Variants in GTPBP10 observed in about 807,000 individuals in gnomAD.
The protein encoded by GTPBP10 is GTP-binding protein 10.
GTPBP10 carries 38 observed loss-of-function variants against 44.8 expected under a neutral mutation model. The ratio of observed to expected loss-of-function variants is 0.85; its 90% CI spans 0.65 to 1.11. The LOEUF (loss-of-function observed/expected upper bound fraction) is 1.11. Among genes scored for constraint, GTPBP10 ranks in the 50% most tolerant of loss-of-function variants. The probability of loss-of-function intolerance (pLI) is 0.00; values close to 1 mark genes in which losing one functional copy is unlikely to be tolerated. For synonymous variants in GTPBP10, 152 were observed against 150.6 expected, an observed-to-expected ratio of 1.01 and a Z score of -0.07; for missense variants, 462 against 453.7, an observed-to-expected ratio of 1.02 and a Z score of -0.17.
At chr7:90,362,432 G>C (rs71557085) in intron 4 of GTPBP10, among the ~76,000 whole-genome samples, 2 of 152,150 alleles carry the variant, frequency 1.3e-5, no homozygotes, top group Non-Finnish European at 2.9e-5. Flanking sequence ...TTTCCATGTA[G>C]TTGAGTGATT....
At position 90,358,933 on chromosome 7, in the gene GTPBP10, G is replaced by T. The variant is rs112810966; in HGVS notation, c.464+3703G>T. On this transcript the variant is annotated intron_variant, in intron 4 of 9. Coordinates refer to ENST00000222511, the MANE Select transcript of GTPBP10 (RefSeq NM_033107.4). ...CAATTCCGTTAAAAAGTGGACAAAT[G>T]ACATGGACATTTCTCAAAAGAAGAT... 4.0e-4 allele frequency among the ~76,000 whole-genome samples: 61 copies of T among 152,242 alleles called. 1 individual carries two copies. The highest frequency in any genetic ancestry group is 1.4e-3 in the African/African-American group (60 of 41,556).
intron 6 of GTPBP10, among the ~76,000 whole-genome samples, chr7:90,374,666 C>A (rs770796953): frequency 1.2e-4 from 19 of 152,024 alleles, no homozygotes; most frequent in Non-Finnish European, 2.1e-4. Flanking sequence ...TTTAAAAATG[C>A]TCTCTAAAGT....
chr7:90,353,077 C>A (rs540580689), intron 2 of GTPBP10, 68 bp downstream of exon 2: 7 of 1,019,242 alleles, frequency 6.9e-6, no homozygotes, highest in South Asian at 6.3e-5. Flanking sequence ...TTTTTAGTTA[C>A]AAAATAAAAA....
At chr7:90,348,187 G>A (rs1409711423) in intron 1 of GTPBP10, among the ~76,000 whole-genome samples, 1 of 152,150 alleles carries the variant, frequency 6.6e-6, no homozygotes, top group Non-Finnish European at 1.5e-5. Context: ...CACGGCACTC[G>A]AGCCCAGGCA....
At chr7:90,384,541 T>C (rs1796489289) in intron 9 of GTPBP10, among the ~76,000 whole-genome samples, 1 of 152,192 alleles carries the variant, frequency 6.6e-6, no homozygotes, top group East Asian at 1.9e-4. Flanking sequence ...AATGATGTTA[T>C]TATTTTTACA....
At chr7:90,347,102 C>T (rs1356482112) in intron 1 of GTPBP10, among the ~76,000 whole-genome samples, 1 of 151,924 alleles carries the variant, frequency 6.6e-6, no homozygotes, top group East Asian at 1.9e-4. Context: ...TGTCCACAGC[C>T]TGTTTTTATA....
chr7:90,370,833 A>G (rs1027669035), intron 4 of GTPBP10, among the ~76,000 whole-genome samples: 2 of 151,952 alleles, frequency 1.3e-5, no homozygotes, highest in African/African-American at 4.8e-5. Context: ...GTGAAACCCC[A>G]TCTCTACTGA....
chr7:90,382,875 A>G, intron 8 of GTPBP10, 81 bp from the exon 9 acceptor site: 2 of 926,552 alleles, frequency 2.2e-6, no homozygotes, highest in Non-Finnish European at 3.1e-6. Context: ...GTTTTAGATC[A>G]CCTGGGTCAT....
intron 4 of GTPBP10, among the ~76,000 whole-genome samples, chr7:90,361,262 G>T (rs1237859390): frequency 1.3e-5 from 2 of 152,150 alleles, no homozygotes; most frequent in Non-Finnish European, 2.9e-5. Flanking sequence ...AATGATATTG[G>T]CTGTGGGTTT....
chr7:90,371,794 A>T (rs530896891), intron 4 of GTPBP10, among the ~76,000 whole-genome samples: 182 of 152,290 alleles, frequency 1.2e-3, no homozygotes, highest in South Asian at 5.2e-3. Flanking sequence ...ATTTTTTTTT[A>T]AAGCAGTTTA....
chr7:90,354,338 A>G lies in GTPBP10; in HGVS notation c.228-120A>G, dbSNP rs42662. The G allele has an allele frequency of 0.8, 351,134 of 438,664 alleles. 141,186 individuals carry two copies. Among genetic ancestry groups the G allele is most frequent in the East Asian group, 0.89 (25,135 of 28,326 alleles). The allele number at this position is 438,664 out of a possible 1,614,324, so 27.2% of individuals were successfully genotyped here. On this transcript the variant is annotated intron_variant, in intron 2 of 9. Coordinates refer to ENST00000222511, the MANE Select transcript of GTPBP10 (RefSeq NM_033107.4). Reference sequence around the variant, plus strand: ...TTTAAACCCCGTGTTTGACCATTTAACATCTGCGTTAACCAGAGAATTGAT... The same window carrying G: ...TTTAAACCCCGTGTTTGACCATTTAGCATCTGCGTTAACCAGAGAATTGAT...
intron 4 of GTPBP10, among the ~76,000 whole-genome samples, chr7:90,371,010 G>GATAGATAAATAAATAA (rs1286495525): frequency 2.1e-5 from 3 of 144,998 alleles, no homozygotes; most frequent in African/African-American, 5.1e-5. Flanking sequence ...CATCTCAATA[G>GATAGATAAATAAATAA]ATAAATAAAT....
At chr7:90,380,609 A>C (rs1437288793) in intron 8 of GTPBP10, among the ~76,000 whole-genome samples, 2 of 152,188 alleles carry the variant, frequency 1.3e-5, no homozygotes, top group African/African-American at 4.8e-5. Flanking sequence ...GATTGAATCA[A>C]GCTAATTAAC....
chr7:90,365,092 C>T (rs1178780920), intron 4 of GTPBP10, among the ~76,000 whole-genome samples: 1 of 152,170 alleles, frequency 6.6e-6, no homozygotes, highest in African/African-American at 2.4e-5. Flanking sequence ...GAGGCAATGC[C>T]TTGCCCTGCT....
At chr7:90,357,409 A>G (rs1795924804) in intron 4 of GTPBP10, among the ~76,000 whole-genome samples, 1 of 152,194 alleles carries the variant, frequency 6.6e-6, no homozygotes, top group Non-Finnish European at 1.5e-5. Flanking sequence ...GAAACAGGGT[A>G]TGAAAAAACT....
chr7:90,348,184 C>T (rs2115577997), intron 1 of GTPBP10, among the ~76,000 whole-genome samples: 1 of 152,262 alleles, frequency 6.6e-6, no homozygotes, highest in Non-Finnish European at 1.5e-5. Context: ...TGCCACGGCA[C>T]TCGAGCCCAG....
At chr7:90,377,214 A>G (rs1363255442) in intron 6 of GTPBP10, among the ~76,000 whole-genome samples, 1 of 152,202 alleles carries the variant, frequency 6.6e-6, no homozygotes, top group Non-Finnish European at 1.5e-5. Context: ...ACAGAGCAAG[A>G]TCCTGTCTCT....
At chr7:90,349,941 C>CT (rs1795755127) in intron 1 of GTPBP10, among the ~76,000 whole-genome samples, 3 of 151,204 alleles carry the variant, frequency 2.0e-5, no homozygotes. Flanking sequence ...TTAAATTATA[C>CT]TTTAAGTTCT....
intron 4 of GTPBP10, among the ~76,000 whole-genome samples, chr7:90,367,251 A>G (rs1796152626): frequency 6.6e-6 from 1 of 152,160 alleles, no homozygotes; most frequent in African/African-American, 2.4e-5. Flanking sequence ...TGAGAAGAAT[A>G]TATATTCTGT....
Sources: allele counts gnomAD v4.1 joint callset (sites outside exome capture counted in the v4.1 genomes callset), GRCh38; gene constraint gnomAD v4.1.1; transcripts MANE v1.5; gene names NCBI Gene and HGNC (gene_info 2026-07-23, HGNC 2026-07-21).